ZBBX: variants seen among roughly 807,000 people sequenced by gnomAD.
ZBBX encodes zinc finger B-box domain containing.
ZBBX carries 101 observed loss-of-function variants against 108.5 expected under a neutral mutation model. That is an observed-to-expected ratio of 0.93 (90% CI 0.79 to 1.10). The LOEUF (loss-of-function observed/expected upper bound fraction) is 1.10. Among genes scored for constraint, ZBBX ranks in the 50% least tolerant of loss-of-function variants. ZBBX has a pLI of 0.00. For synonymous variants in ZBBX, 356 were observed against 323.4 expected, an observed-to-expected ratio of 1.10 and a Z score of -1.08; for missense variants, 1,009 against 941.4, an observed-to-expected ratio of 1.07 and a Z score of -0.94.
chr3:167,232,496 G>A, the ZBBX span, among the ~76,000 whole-genome samples: 1 of 151,602 alleles, frequency 6.6e-6, no homozygotes, highest in East Asian at 1.9e-4. Flanking sequence ...GAAGAAAATG[G>A]GTCCATTTCA....
At chr3:167,338,773 TAGAG>T (rs1018391741) in intron 9 of ZBBX, among the ~76,000 whole-genome samples, 2 of 151,894 alleles carry the variant, frequency 1.3e-5, no homozygotes, top group African/African-American at 2.4e-5. Context: ...GATATAGAGG[TAGAG>T]AGAGAGATAC....
chr3:167,202,887 C>T, the ZBBX span, among the ~76,000 whole-genome samples: 4,035 of 152,084 alleles, frequency 0.027, 185 homozygotes, highest in African/African-American at 0.093. Context: ...TTCTCAACTT[C>T]GAAGGTTCTT....
chr3:167,305,264 C>T lies in ZBBX; in HGVS notation c.1725+379G>A, dbSNP rs77787716. 3.8e-4 allele frequency among the ~76,000 whole-genome samples: 58 copies of T among 152,206 alleles called. 1 individual carries two copies. In the East Asian group the frequency reaches 0.011, roughly 29 times the overall value. ...GTAACTGGTTCTGTCTAGATATCTG[C>T]ATTTATTTCATTTTGACCATTGACT... On this transcript the variant is annotated intron_variant, in intron 17 of 21. Coordinates refer to ENST00000675490, the MANE Select transcript of ZBBX (RefSeq NM_001199201.2).
chr3:167,336,842 A>G (rs1739637084), intron 9 of ZBBX, among the ~76,000 whole-genome samples: 1 of 152,122 alleles, frequency 6.6e-6, no homozygotes, highest in Non-Finnish European at 1.5e-5. Context: ...CTTTTAACTT[A>G]TTTTTGCCTG....
At chr3:167,184,419 G>A in the ZBBX span, among the ~76,000 whole-genome samples, 9 of 152,046 alleles carry the variant, frequency 5.9e-5, no homozygotes, top group Admixed American at 1.3e-4. Context: ...TCAAGTGATC[G>A]CCCAAGCCAC....
intron 8 of ZBBX, among the ~76,000 whole-genome samples, chr3:167,356,081 G>A (rs1334281485): frequency 6.6e-6 from 1 of 152,084 alleles, no homozygotes; most frequent in Non-Finnish European, 1.5e-5. Flanking sequence ...TTACCACAGA[G>A]TAGGAGTCAC....
At chr3:167,239,337 T>C (rs1259121696), downstream of ZBBX, among the ~76,000 whole-genome samples, 4 of 152,124 alleles carry the variant, frequency 2.6e-5, no homozygotes, top group Non-Finnish European at 4.4e-5. Flanking sequence ...ACATCTAGAA[T>C]ATAATTGACC....
At chr3:167,334,048 A>G in intron 9 of ZBBX, 63 bp from the exon 10 acceptor site, 1 of 1,074,970 alleles carries the variant, frequency 9.3e-7, no homozygotes, top group Non-Finnish European at 1.3e-6. Flanking sequence ...ATTTATATAC[A>G]TTAACTCATA....
rs545723653 is a variant in ZBBX at position 167,239,922 on chromosome 3, G to T, written c.*871C>A. On this transcript the variant is annotated 3_prime_UTR_variant, in exon 22 of 22. Transcript: ENST00000675490. ...GCCTCAGGAAATCATGGTGAAAGGG[G>T]AAGCAAACACATTCTTCTTCAAGTG... Among the ~76,000 whole-genome samples the T allele has an allele frequency of 3.3e-4, 50 of 152,246 alleles. 1 individual carries two copies. The highest frequency in any genetic ancestry group is 1.9e-3 in the South Asian group (9 of 4,828).
intron 9 of ZBBX, among the ~76,000 whole-genome samples, chr3:167,340,501 T>C (rs1740352878): frequency 6.6e-6 from 1 of 152,086 alleles, no homozygotes; most frequent in African/African-American, 2.4e-5. Flanking sequence ...TTTTTTTACA[T>C]TATTAAAATA....
At chr3:167,319,992 G>T (rs1235029141) in intron 12 of ZBBX, among the ~76,000 whole-genome samples, 1 of 151,676 alleles carries the variant, frequency 6.6e-6, no homozygotes, top group African/African-American at 2.4e-5. Context: ...TTATATGTGT[G>T]TATGTGGATT....
intron 10 of ZBBX, among the ~76,000 whole-genome samples, chr3:167,330,993 A>G (rs906324980): frequency 9.9e-5 from 5 of 50,452 alleles, no homozygotes; most frequent in African/African-American, 2.3e-4. Flanking sequence ...ATGCATGTGC[A>G]TACAGAAGAA....
chr3:167,358,416 TCA>T (rs1254439805), intron 8 of ZBBX, among the ~76,000 whole-genome samples: 3 of 152,082 alleles, frequency 2.0e-5, no homozygotes, highest in South Asian at 2.1e-4. Flanking sequence ...ATACAGAGTT[TCA>T]GTTTTGCAAG....
At chr3:167,325,400 T>A (rs933849475) in intron 11 of ZBBX, among the ~76,000 whole-genome samples, 7 of 152,024 alleles carry the variant, frequency 4.6e-5, no homozygotes, top group Admixed American at 3.3e-4. Flanking sequence ...TATAAAACCA[T>A]CATATCTTGT....
intron 20 of ZBBX, among the ~76,000 whole-genome samples, chr3:167,280,883 A>C (rs2108519823): frequency 6.6e-6 from 1 of 152,322 alleles, no homozygotes; most frequent in South Asian, 2.1e-4. Flanking sequence ...GACTGGATTA[A>C]GAAAATGTGG....
chr3:167,338,857 A>C (rs1740042686), intron 9 of ZBBX, among the ~76,000 whole-genome samples: 1 of 152,180 alleles, frequency 6.6e-6, no homozygotes, highest in Non-Finnish European at 1.5e-5. Flanking sequence ...TATTGGTTGC[A>C]GTGATTGTTC....
intron 20 of ZBBX, chr3:167,248,563 C>T (rs1229228128): frequency 1.1e-5 from 5 of 451,736 alleles, no homozygotes; most frequent in African/African-American, 2.0e-5. Context: ...TTCGACAGGG[C>T]ACATTTGAGA....
rs371696689 is a variant in ZBBX, at chr3:167,264,066, T to C, written c.2254+18172A>G. ...GGTTTCCATTGTCATAGAATATCTT[T>C]TTTCCATTCCTTTATTTTCAGTTCA... On this transcript the variant is annotated intron_variant, in intron 20 of 21. Coordinates refer to ENST00000675490, the MANE Select transcript of ZBBX (RefSeq NM_001199201.2). Among the ~76,000 whole-genome samples the C allele has an allele frequency of 5.5e-4, 84 of 152,358 alleles. 1 individual carries two copies. The South Asian group carries it at 0.017, about 31-fold the overall frequency.
At chr3:167,183,849 TTTTATGGCCAGATTTGGGGACCTG>T in the ZBBX span, among the ~76,000 whole-genome samples, 3 of 152,148 alleles carry the variant, frequency 2.0e-5, no homozygotes, top group African/African-American at 2.4e-5. Flanking sequence ...AGAGATTATT[TTTTATGGCCAGATTTGGGGACCTG>T]TTTATGGCCA....
Sources: gnomAD v4.1 joint callset for allele counts (sites outside exome capture counted in the v4.1 genomes callset) on GRCh38, gnomAD v4.1.1 for gene constraint, MANE v1.5 for transcripts, NCBI Gene and HGNC (gene_info 2026-07-23, HGNC 2026-07-21) for gene names.